The following GNL1 variants were observed in gnomAD, a reference collection of about 807,000 sequenced individuals.
The protein encoded by GNL1 is guanine nucleotide-binding protein-like 1.
In GNL1, 21 loss-of-function variants were observed where a neutral mutation model predicts 75.2. The ratio of observed to expected loss-of-function variants is 0.28; its 90% CI spans 0.20 to 0.40. The LOEUF (loss-of-function observed/expected upper bound fraction) is 0.40. GNL1 is among the 10% of genes least tolerant of loss of function. The probability of loss-of-function intolerance (pLI) is 1.00; values close to 1 mark genes in which losing one functional copy is unlikely to be tolerated. For missense variants in GNL1, 579 were observed against 775.0 expected (o/e 0.75, Z 3.00); for synonymous variants, 287 against 303.4 (o/e 0.95, Z 0.56).
At chr6:30,554,192 C>T (rs1308098045) in intron 5 of GNL1, among the ~76,000 whole-genome samples, 1 of 152,164 alleles carries the variant, frequency 6.6e-6, no homozygotes, top group Non-Finnish European at 1.5e-5. Flanking sequence ...TCTAGCATTC[C>T]AGGTGGGTTC....
In GNL1 at chr6:30,556,298, C is replaced by G; in HGVS notation, c.-95G>C. 7.0e-7 allele frequency: 1 copy of G among 1,438,594 alleles called. No individual in the cohort carries two copies. The highest frequency in any genetic ancestry group is 9.6e-7 in the Non-Finnish European group (1 of 1,041,728). The allele number at this position is 1,438,594 out of a possible 1,614,324, so 89.1% of individuals were successfully genotyped here. A position where few individuals can be genotyped will look rare whatever the true frequency, so the allele number is the denominator to read the frequency against. On this transcript the variant is annotated 5_prime_UTR_variant, in exon 1 of 12. Coordinates refer to ENST00000376621, the MANE Select transcript of GNL1 (RefSeq NM_005275.5). This position sits in a 1 kb window ranked among gnomAD's most constrained non-coding sequence, Gnocchi z 5.7. The stretch of plus-strand genomic sequence containing the variant: ...AGCCCCCGCCGCAGGGGCCCGGGAC[C>G]CTAGAGGAGGCGGGGCTAGCAGGTG...
chr6:30,554,700 G>A (rs1185182097), intron 4 of GNL1, 54 bp from the exon 5 acceptor site: 9 of 1,595,538 alleles, frequency 5.6e-6, no homozygotes, highest in African/African-American at 2.7e-5. Flanking sequence ...TCTCCAGCCT[G>A]ATCCCAAACC....
At chr6:30,553,278 G>C (rs1799910545) in intron 6 of GNL1, 72 bp downstream of exon 6, 1 of 1,462,292 alleles carries the variant, frequency 6.8e-7, no homozygotes, top group African/African-American at 1.4e-5. Context: ...TTGTCAATAA[G>C]CCTCTCTGTT....
Position 30,546,988 on chromosome 6 carries a change from C to G in GNL1, c.1441+124G>C, listed in dbSNP as rs1799490411. The G allele has an allele frequency of 2.7e-6, 3 of 1,111,812 alleles. No homozygotes were observed. Among genetic ancestry groups the G allele is most frequent in the Non-Finnish European group, 4.1e-6 (3 of 739,418 alleles). The allele number at this position is 1,111,812 out of a possible 1,614,324, so 68.9% of individuals were successfully genotyped here. ...CAACAAAAATCTAGGGGTGAGTGGA[C>G]AGCAGCTTCATCAATGGCAGAATCT... On this transcript the variant is annotated intron_variant, in intron 10 of 11. Transcript: ENST00000376621. The surrounding 1 kb of genome is among the most constrained non-coding windows in gnomAD (Gnocchi z 5.1).
rs1054476253 is a variant in GNL1, at chr6:30,552,226, C to T, written c.1099+241G>A. 4 of 482,996 alleles carry T rather than the reference C, an allele frequency of 8.3e-6. No homozygotes were observed. The highest frequency in any genetic ancestry group is 7.6e-5 in the African/African-American group (4 of 52,296). 29.9% of individuals were successfully genotyped at this position (482,996 alleles called of 1,614,324 possible). ...ATTTTTAAAATCAAAGTAACTAAGA[C>T]TCAGAGTAGCAAAATCACTTACTCA... On this transcript the variant is annotated intron_variant, in intron 8 of 11. Coordinates refer to ENST00000376621, the MANE Select transcript of GNL1 (RefSeq NM_005275.5). This position sits in a 1 kb window ranked among gnomAD's most constrained non-coding sequence, Gnocchi z 4.5.
chr6:30,553,419 GA>G lies in GNL1; in HGVS notation c.738del (p.Gln248SerfsTer24). 6.2e-7 allele frequency: 1 copy of G among 1,612,990 alleles called. No individual in the cohort carries two copies. On this transcript the variant is annotated frameshift_variant, in exon 6 of 12. Coordinates refer to ENST00000376621, the MANE Select transcript of GNL1 (RefSeq NM_005275.5). LOFTEE classifies it high-confidence loss of function. ...VAWKHYFHQH[Y>X]PQLHVVLFTS... is the part of the protein sequence containing the mutation. ...GTGAAAAGGACGACGTGGAGCTGGG[GA>G]TAGTGTTGATGGAAATAATGCTTCC... is the stretch of plus-strand genomic sequence containing the variant.
At position 30,542,214 on chromosome 6, in the gene GNL1, T is replaced by C. The variant is rs1271420985; in HGVS notation, c.*3858A>G. 1 of 151,556 alleles carries C rather than the reference T, an allele frequency of 6.6e-6. No homozygotes were observed. Among genetic ancestry groups the C allele is most frequent in the Non-Finnish European group, 1.5e-5 (1 of 67,846 alleles). 9.4% of individuals were successfully genotyped at this position (151,556 alleles called of 1,614,324 possible). A position where few individuals can be genotyped will look rare whatever the true frequency, so the allele number is the denominator to read the frequency against. The stretch of plus-strand genomic sequence containing the variant: ...CAAAGAAATGCTCCCACCAAGACCA[T>C]GGAGGCCCCTCTCGTTGCTGGTGGA... On this transcript the variant is annotated 3_prime_UTR_variant, in exon 12 of 12. Transcript: ENST00000376621. This position sits in a 1 kb window ranked among gnomAD's most constrained non-coding sequence, Gnocchi z 4.5.
rs954936201 is a variant in GNL1, at chr6:30,544,619, G to A, written c.*1453C>T. ...GGGAAACCTTCAAGTACATTCTCAT[G>A]CTGGTATTATTTAAACTTTGCACTG... is the stretch of plus-strand genomic sequence containing the variant. On this transcript the variant is annotated 3_prime_UTR_variant, in exon 12 of 12. Coordinates refer to ENST00000376621, the MANE Select transcript of GNL1 (RefSeq NM_005275.5). The A allele has an allele frequency of 2.6e-5, 4 of 152,194 alleles. No individual in the cohort carries two copies. 9.4% of individuals were successfully genotyped at this position (152,194 alleles called of 1,614,324 possible).
intron 8 of GNL1, among the ~76,000 whole-genome samples, chr6:30,549,251 A>G (rs1799626928): frequency 6.6e-6 from 1 of 152,100 alleles, no homozygotes; most frequent in Non-Finnish European, 1.5e-5. Flanking sequence ...CGCCTGCCTC[A>G]GCCTCCCAAA....
rs1269921352 is a variant in GNL1, at chr6:30,555,325, C to T, written c.240-134G>A. ...AAGTCTCCTCTCTCAAGTCAGACTT[C>T]CCCCAAGTCCTTCTTTCAGGCAATA... On this transcript the variant is annotated intron_variant, in intron 2 of 11. Transcript: ENST00000376621. The surrounding 1 kb of genome is among the most constrained non-coding windows in gnomAD (Gnocchi z 4.3). The T allele has an allele frequency of 3.7e-6, 4 of 1,070,610 alleles. No homozygotes were observed. The highest frequency in any genetic ancestry group is 5.5e-6 in the Non-Finnish European group (4 of 728,668). 66.3% of individuals were successfully genotyped at this position (1,070,610 alleles called of 1,614,324 possible).
In GNL1 at chr6:30,552,542, T is replaced by C. The variant is rs1245470297; in HGVS notation, c.1024A>G (p.Thr342Ala). 1 of 1,613,998 alleles carries C rather than the reference T, an allele frequency of 6.2e-7. No individual in the cohort carries two copies. The highest frequency in any genetic ancestry group is 1.3e-5 in the African/African-American group (1 of 74,912). The stretch of plus-strand genomic sequence containing the variant: ...CCAGTTGGCTCCATTGCTGAATCAG[T>C]CTGCTGCTCCACCAGGACTGCTGGG... Reference protein sequence around the residue: ...DGPAVLVEQQTDSAMEPTGPT... With the variant: ...DGPAVLVEQQADSAMEPTGPT... The change falls in exon 8 of 12, where the codon ACT becomes GCT. Residue 342 changes from threonine to alanine, a missense_variant. Thr to Ala is a moderately conservative substitution (Grantham distance 58, BLOSUM62 0). Coordinates refer to ENST00000376621, the MANE Select transcript of GNL1 (RefSeq NM_005275.5). This position sits in a 1 kb window ranked among gnomAD's most constrained non-coding sequence, Gnocchi z 4.5.
Position 30,553,465 on chromosome 6 carries a change from C to A in GNL1, c.693G>T (p.Pro231=). The change falls in exon 6 of 12, where the codon CCG becomes CCT. Residue 231 remains proline, a synonymous_variant. Coordinates refer to ENST00000376621, the MANE Select transcript of GNL1 (RefSeq NM_005275.5). Reference sequence around the variant, plus strand: ...GCTTCCAGGCAACCACAAGAGCTGGCGGGGCCAGATCCACCTTGTTCAAAA... The same window carrying A: ...GCTTCCAGGCAACCACAAGAGCTGGAGGGGCCAGATCCACCTTGTTCAAAA... The part of the protein sequence containing the change: ...VLVLNKVDLA[P]PALVVAWKHY... 1 of 1,612,770 alleles carries A rather than the reference C, an allele frequency of 6.2e-7. No individual in the cohort carries two copies. The highest frequency in any genetic ancestry group is 1.1e-5 in the South Asian group (1 of 91,078).
rs1799601218 is a variant in GNL1, at chr6:30,548,941, A to G, written c.1100-1411T>C. ...AAAAATGCACAGAACATACATGTGCAGCCTGATGAACCCCATACCACCCAA... is the reference window on the plus strand; with the variant it reads ...AAAAATGCACAGAACATACATGTGCGGCCTGATGAACCCCATACCACCCAA... On this transcript the variant is annotated intron_variant, in intron 8 of 11. Coordinates refer to ENST00000376621, the MANE Select transcript of GNL1 (RefSeq NM_005275.5). The surrounding 1 kb of genome is among the most constrained non-coding windows in gnomAD (Gnocchi z 4.2). 6.6e-6 allele frequency among the ~76,000 whole-genome samples: 1 copy of G among 152,222 alleles called. No homozygotes were observed. The highest frequency in any genetic ancestry group is 2.4e-5 in the African/African-American group (1 of 41,458).
At position 30,555,538 on chromosome 6, in the gene GNL1, C is replaced by A. The variant is rs1300259377; in HGVS notation, c.239+17G>T. The A allele has an allele frequency of 1.3e-5, 21 of 1,599,710 alleles. No homozygotes were observed. The highest frequency in any genetic ancestry group is 1.8e-5 in the Non-Finnish European group (21 of 1,170,506). ...GTAGGCGGGAAAGCCGGGACCAGCG[C>A]CCCCTCCCACCCTCACCGATTTGGG... On this transcript the variant is annotated intron_variant, in intron 2 of 11. Transcript: ENST00000376621. This position sits in a 1 kb window ranked among gnomAD's most constrained non-coding sequence, Gnocchi z 4.3.
rs1183544345 is a variant in GNL1, at chr6:30,555,586, C to A, written c.208G>T (p.Gly70Trp). The A allele has an allele frequency of 1.2e-6, 2 of 1,613,876 alleles. No individual in the cohort carries two copies. Among genetic ancestry groups the A allele is most frequent in the Middle Eastern group, 1.6e-4 (1 of 6,080 alleles). Residue 70 changes from glycine (G) to tryptophan (W), a missense_variant, in exon 2 of 12, where the codon GGG (glycine) becomes TGG (tryptophan). Coordinates refer to ENST00000376621, the MANE Select transcript of GNL1 (RefSeq NM_005275.5). This position sits in a 1 kb window ranked among gnomAD's most constrained non-coding sequence, Gnocchi z 4.3. ...IRRLNQQPSQGLGPRGYDPNR... is the reference protein window; with the variant it reads ...IRRLNQQPSQWLGPRGYDPNR... ...GGGTCGTAGCCTCGTGGACCCAGCC[C>A]CTGAGAAGGCTGCTGGTTAAGCCTG...
Position 30,556,378 on chromosome 6 carries a change from C to A in GNL1, c.-175G>T. ...CGCCGCGGCGGCGATGGAAGGCGGA[C>A]GGGGGAGATATAGTCACTTCCCTCC... On this transcript the variant is annotated 5_prime_UTR_variant, in exon 1 of 12. Transcript: ENST00000376621. This position sits in a 1 kb window ranked among gnomAD's most constrained non-coding sequence, Gnocchi z 5.7. 1.5e-6 allele frequency: 1 copy of A among 672,308 alleles called. No individual in the cohort carries two copies. Among genetic ancestry groups the A allele is most frequent in the Middle Eastern group, 3.3e-4 (1 of 3,058 alleles). 41.6% of individuals were successfully genotyped at this position (672,308 alleles called of 1,614,324 possible).
chr6:30,547,448 A>G lies in GNL1; in HGVS notation c.1182T>C (p.His394=), dbSNP rs1350427425. 10 of 1,614,052 alleles carry G rather than the reference A, an allele frequency of 6.2e-6. No homozygotes were observed. The highest frequency in any genetic ancestry group is 8.5e-6 in the Non-Finnish European group (10 of 1,179,950). ...KVVSVSRTPG[H]TRYFQTYFLT... ...GAAAGTAGGTCTGAAAGTATCGGGT[A>G]TGGCCCGGGGTTCTGGAGACACTCA... is the stretch of plus-strand genomic sequence containing the variant. The change falls in exon 9 of 12, where the codon CAT becomes CAC. Residue 394 remains histidine (H), a synonymous_variant. Transcript: ENST00000376621. The surrounding 1 kb of genome is among the most constrained non-coding windows in gnomAD (Gnocchi z 5.5).
In GNL1 at chr6:30,545,805, AG is replaced by A. The variant is rs1232249344; in HGVS notation, c.*266del. ...AGGTGCAGAGTGGGAGAATGGGTAG[AG>A]GAAGCAGGTTTCAGAGACTGAGAAC... On this transcript the variant is annotated 3_prime_UTR_variant, in exon 12 of 12. Coordinates refer to ENST00000376621, the MANE Select transcript of GNL1 (RefSeq NM_005275.5). 1.0e-5 allele frequency: 5 copies of A among 484,342 alleles called. No individual in the cohort carries two copies. The highest frequency in any genetic ancestry group is 1.8e-5 in the Non-Finnish European group (5 of 278,194). The allele number at this position is 484,342 out of a possible 1,614,324, so 30.0% of individuals were successfully genotyped here. A position where few individuals can be genotyped will look rare whatever the true frequency, so the allele number is the denominator to read the frequency against.
chr6:30,549,479 G>A (rs1014130078), intron 8 of GNL1, among the ~76,000 whole-genome samples: 1 of 152,084 alleles, frequency 6.6e-6, no homozygotes, highest in African/African-American at 2.4e-5. Flanking sequence ...ATGCTATTGG[G>A]TCAGACTCTT....
Sources: gnomAD v4.1 joint callset for allele counts (sites outside exome capture counted in the v4.1 genomes callset) on GRCh38, gnomAD v4.1.1 for gene constraint, Gnocchi (gnomAD v3.1) non-coding constraint, MANE v1.5 for transcripts, NCBI Gene and HGNC (gene_info 2026-07-23, HGNC 2026-07-21) for gene names.